SLC8A3: variants seen among roughly 807,000 people sequenced by gnomAD.
SLC8A3 encodes solute carrier family 8 member A3.
Under a neutral mutation model 65.4 loss-of-function variants are expected in SLC8A3, and 37 were observed. The ratio of observed to expected loss-of-function variants is 0.57; its 90% CI spans 0.44 to 0.74. SLC8A3 has a LOEUF of 0.74. Among genes scored for constraint, SLC8A3 ranks in the 30% least tolerant of loss-of-function variants. The pLI, the probability that SLC8A3 is intolerant of heterozygous loss-of-function variation, is 0.00. For missense variants in SLC8A3, 1,112 were observed against 1,172.1 expected (o/e 0.95, Z 0.75); for synonymous variants, 461 against 444.5 (o/e 1.04, Z -0.47).
chr14:70,060,642 G>C (rs748885857), intron 3 of SLC8A3, 194 bp downstream of exon 3: 1 of 725,296 alleles, frequency 1.4e-6, no homozygotes, highest in African/African-American at 1.7e-5. Context: ...AGATGATACC[G>C]AAACAGGGTG....
At chr14:70,057,248 G>T (rs1888233383) in intron 3 of SLC8A3, among the ~76,000 whole-genome samples, 1 of 152,010 alleles carries the variant, frequency 6.6e-6, no homozygotes, top group Non-Finnish European at 1.5e-5. Flanking sequence ...TGGATCAATG[G>T]CTTTCCTCAC....
chr14:70,175,676 C>T (rs715307), intron 1 of SLC8A3, among the ~76,000 whole-genome samples: 17,557 of 151,930 alleles, frequency 0.12, 1,395 homozygotes, highest in Non-Finnish European at 0.18. Context: ...TATCCATCTT[C>T]CACACTCTTC....
intron 1 of SLC8A3, among the ~76,000 whole-genome samples, chr14:70,173,208 G>A (rs1487369693): frequency 6.6e-6 from 1 of 152,194 alleles, no homozygotes; most frequent in African/African-American, 2.4e-5. Context: ...AAGGGTTTAG[G>A]ATGGCTGTAA....
chr14:70,117,659 T>A (rs1893758394), intron 2 of SLC8A3, among the ~76,000 whole-genome samples: 1 of 152,212 alleles, frequency 6.6e-6, no homozygotes. Flanking sequence ...CTAGAGAGAC[T>A]ACTTCTCCTG....
At chr14:70,175,193 A>T (rs969229533) in intron 1 of SLC8A3, among the ~76,000 whole-genome samples, 3 of 152,196 alleles carry the variant, frequency 2.0e-5, no homozygotes, top group Non-Finnish European at 4.4e-5. Flanking sequence ...GGACTTTAAA[A>T]AAGTGATGAC....
intron 2 of SLC8A3, among the ~76,000 whole-genome samples, chr14:70,107,987 G>A (rs1447846476): frequency 2.0e-5 from 3 of 152,022 alleles, no homozygotes; most frequent in South Asian, 2.1e-4. Flanking sequence ...TCTCTTGGAC[G>A]TCTTTACCAT....
chr14:70,113,414 G>A (rs76562045), intron 2 of SLC8A3, among the ~76,000 whole-genome samples: 7,179 of 152,230 alleles, frequency 0.047, 212 homozygotes, highest in Middle Eastern at 0.085. Flanking sequence ...AAGGACTACT[G>A]TCACATATGC....
At chr14:70,137,741 C>G (rs929143582) in intron 2 of SLC8A3, among the ~76,000 whole-genome samples, 1 of 147,858 alleles carries the variant, frequency 6.8e-6, no homozygotes, top group Non-Finnish European at 1.5e-5. Context: ...TGATCTGCTC[C>G]AAAAAACAAC....
chr14:70,046,181 C>T lies in SLC8A3; in HGVS notation c.2532G>A (p.Gln844=). Reference sequence around the variant, plus strand: ...CGGCCGACACGTGGAACTCCTGTCCCTGCAGAGCCCAGTAGATGGCGGCCA... The same window carrying T: ...CGGCCGACACGTGGAACTCCTGTCCTTGCAGAGCCCAGTAGATGGCGGCCA... ...WSVAAIYWAL[Q]GQEFHVSAGT... The change falls in exon 7 of 7, where the codon CAG becomes CAA. Residue 844 remains glutamine, a synonymous_variant. Transcript: ENST00000356921. The surrounding 1 kb of genome is among the most constrained non-coding windows in gnomAD (Gnocchi z 4.2). 6.2e-7 allele frequency: 1 copy of T among 1,614,226 alleles called. No individual in the cohort carries two copies. The highest frequency in any genetic ancestry group is 8.5e-7 in the Non-Finnish European group (1 of 1,180,046).
chr14:70,158,498 T>A (rs561247946), intron 2 of SLC8A3, among the ~76,000 whole-genome samples: 1 of 152,328 alleles, frequency 6.6e-6, no homozygotes, highest in Non-Finnish European at 1.5e-5. Context: ...AATATTAAGT[T>A]ACTATTTGGA....
chr14:70,055,912 C>T (rs1888060660), intron 3 of SLC8A3: 1 of 1,117,838 alleles, frequency 8.9e-7, no homozygotes, highest in East Asian at 2.4e-5. Flanking sequence ...TTGCTGGCAG[C>T]ATAAGGAAAG....
In SLC8A3 at chr14:70,052,128, A is replaced by C. The variant is rs764154447; in HGVS notation, c.1889-14T>G. The C allele has an allele frequency of 2.9e-5, 46 of 1,589,246 alleles. No individual in the cohort carries two copies. Among genetic ancestry groups the C allele is most frequent in the Non-Finnish European group, 3.8e-5 (45 of 1,170,794 alleles). On this transcript the variant is annotated splice_polypyrimidine_tract_variant and intron_variant, in intron 3 of 6. Coordinates refer to ENST00000356921, the MANE Select transcript of SLC8A3 (RefSeq NM_182932.3). ...TGTCTGTCACATCTGCAACAAAACA[A>C]AATCAGACTCGCTTTAACACCTTTT... is the stretch of plus-strand genomic sequence containing the variant.
intron 2 of SLC8A3, among the ~76,000 whole-genome samples, chr14:70,083,568 A>G (rs925870971): frequency 1.3e-5 from 2 of 152,206 alleles, no homozygotes; most frequent in African/African-American, 4.8e-5. Context: ...CTTGTTGCCT[A>G]CTATCAACTT....
chr14:70,088,353 G>A (rs548659857), intron 2 of SLC8A3, among the ~76,000 whole-genome samples: 2 of 152,278 alleles, frequency 1.3e-5, no homozygotes, highest in Admixed American at 6.5e-5. Flanking sequence ...GTCTCCTGTG[G>A]ATACTGCTCT....
chr14:70,071,207 G>A (rs1469461289), intron 2 of SLC8A3, among the ~76,000 whole-genome samples: 2 of 152,162 alleles, frequency 1.3e-5, no homozygotes, highest in African/African-American at 4.8e-5. Context: ...GGGTGAGTGG[G>A]GAGGCAGAGT....
intron 2 of SLC8A3, among the ~76,000 whole-genome samples, chr14:70,148,552 A>G (rs968235311): frequency 2.6e-5 from 4 of 152,186 alleles, no homozygotes; most frequent in African/African-American, 9.7e-5. Context: ...CAGTAAAAAC[A>G]TGGGGGTGTG....
chr14:70,184,526 TA>T, intron 1 of SLC8A3, among the ~76,000 whole-genome samples: 1 of 152,322 alleles, frequency 6.6e-6, no homozygotes, highest in Non-Finnish European at 1.5e-5. Flanking sequence ...CTCTCCTCTT[TA>T]CTTCCTCTCC....
chr14:70,153,689 C>A (rs140295686), intron 2 of SLC8A3, among the ~76,000 whole-genome samples: 1 of 152,142 alleles, frequency 6.6e-6, no homozygotes, highest in Non-Finnish European at 1.5e-5. Flanking sequence ...ATACATTGAG[C>A]GATAGACACT....
At chr14:70,125,791 A>G (rs1017649326) in intron 2 of SLC8A3, among the ~76,000 whole-genome samples, 1 of 152,144 alleles carries the variant, frequency 6.6e-6, no homozygotes, top group Non-Finnish European at 1.5e-5. Context: ...AAACCCACTC[A>G]TGTCTGGGCC....
Sources: gnomAD v4.1 joint callset for allele counts (sites outside exome capture counted in the v4.1 genomes callset) on GRCh38, gnomAD v4.1.1 for gene constraint, Gnocchi (gnomAD v3.1) non-coding constraint, MANE v1.5 for transcripts, NCBI Gene and HGNC (gene_info 2026-07-23, HGNC 2026-07-21) for gene names.